Variants in DTNA observed in about 807,000 individuals in gnomAD.
DTNA encodes dystrobrevin alpha.
Under a neutral mutation model 100.7 loss-of-function variants are expected in DTNA, and 43 were observed. The observed-to-expected ratio is 0.43, with a 90% CI of 0.33 to 0.55. The LOEUF (loss-of-function observed/expected upper bound fraction) is 0.55. Among genes scored for constraint, DTNA ranks in the 20% least tolerant of loss-of-function variants. DTNA has a pLI of 0.04. For missense variants in DTNA, 798 were observed against 953.9 expected (o/e 0.84, Z 2.15); for synonymous variants, 349 against 347.9 (o/e 1.00, Z -0.04).
chr18:34,670,688 T>C (rs535333095), intron 1 of DTNA, among the ~76,000 whole-genome samples: 5 of 152,210 alleles, frequency 3.3e-5, no homozygotes, highest in Non-Finnish European at 7.3e-5. Context: ...GGAGGTCCAC[T>C]CCAGACCCTT....
At chr18:34,555,000 G>T (rs2146043640) in intron 1 of DTNA, among the ~76,000 whole-genome samples, 1 of 127,686 alleles carries the variant, frequency 7.8e-6, no homozygotes, top group South Asian at 2.7e-4. Context: ...GAATCCATCT[G>T]GTCCTGGACT....
chr18:34,537,430 ATAAT>A (rs1421527141), intron 1 of DTNA, among the ~76,000 whole-genome samples: 2 of 152,012 alleles, frequency 1.3e-5, no homozygotes, highest in African/African-American at 2.4e-5. Context: ...AAAAAGGAAA[ATAAT>A]TAAGGAAATT....
chr18:34,567,645 T>G (rs2047198910), intron 1 of DTNA, among the ~76,000 whole-genome samples: 1 of 152,124 alleles, frequency 6.6e-6, no homozygotes, highest in Non-Finnish European at 1.5e-5. Flanking sequence ...GTCAACAGCT[T>G]TTGTCTTAGG....
chr18:34,791,400 C>T (rs376390387), intron 3 of DTNA, among the ~76,000 whole-genome samples: 45 of 152,146 alleles, frequency 3.0e-4, no homozygotes, highest in African/African-American at 1.1e-3. Flanking sequence ...GCACTGCTTT[C>T]TTTGCATCCT....
chr18:34,620,652 C>T (rs915528714), intron 1 of DTNA, among the ~76,000 whole-genome samples: 1 of 152,102 alleles, frequency 6.6e-6, no homozygotes, highest in African/African-American at 2.4e-5. Context: ...AGGAAGCAGG[C>T]ACATCTCACA....
At chr18:34,600,193 AAAGTT>A (rs1482732553) in intron 1 of DTNA, among the ~76,000 whole-genome samples, 5 of 152,210 alleles carry the variant, frequency 3.3e-5, no homozygotes, top group Non-Finnish European at 5.9e-5. Flanking sequence ...ATTCTGAAAA[AAAGTT>A]AAGTCAAATG....
At chr18:34,708,588 G>A (rs1249198117), upstream of DTNA, among the ~76,000 whole-genome samples, 11 of 152,158 alleles carry the variant, frequency 7.2e-5, no homozygotes, top group Non-Finnish European at 1.2e-4. Flanking sequence ...TGGTTTGTAG[G>A]TTGGAGCAAG....
At chr18:34,815,807 T>G in intron 6 of DTNA, 102 bp from the exon 7 acceptor site, 1 of 1,002,880 alleles carries the variant, frequency 1.0e-6, no homozygotes, top group Non-Finnish European at 1.6e-6. Flanking sequence ...TAGACATTTA[T>G]TGAGTGCTCT....
chr18:34,667,602 A>G (rs2076123515), intron 1 of DTNA, among the ~76,000 whole-genome samples: 2 of 152,190 alleles, frequency 1.3e-5, no homozygotes, highest in Admixed American at 1.3e-4. Flanking sequence ...TGTCCCATCA[A>G]TACCTAATTT....
chr18:34,557,476 G>GT (rs1251846777), intron 1 of DTNA, among the ~76,000 whole-genome samples: 2 of 152,030 alleles, frequency 1.3e-5, no homozygotes, highest in East Asian at 3.9e-4. Context: ...TTTCTGTTCT[G>GT]TTTTTTCCCC....
chr18:34,626,251 T>C (rs1299227170), intron 1 of DTNA, among the ~76,000 whole-genome samples: 5 of 152,146 alleles, frequency 3.3e-5, no homozygotes, highest in African/African-American at 9.7e-5. Flanking sequence ...TAAAATCTTA[T>C]AAGTAAGACT....
intron 1 of DTNA, among the ~76,000 whole-genome samples, chr18:34,587,626 C>T (rs2049274705): frequency 6.6e-6 from 1 of 152,044 alleles, no homozygotes; most frequent in Non-Finnish European, 1.5e-5. Context: ...TATTATTATT[C>T]TCATTGTAGG....
chr18:34,651,015 A>G, intron 1 of DTNA, among the ~76,000 whole-genome samples: 1 of 152,190 alleles, frequency 6.6e-6, no homozygotes, highest in Non-Finnish European at 1.5e-5. Context: ...TTTCTAGTGG[A>G]TAAGCTCATT....
At chr18:34,752,996 T>G (rs1431210510) in intron 1 of DTNA, among the ~76,000 whole-genome samples, 1 of 152,228 alleles carries the variant, frequency 6.6e-6, no homozygotes, top group Non-Finnish European at 1.5e-5. Context: ...TAAGTCAGAT[T>G]TGGGAAATAT....
At chr18:34,848,922 G>A (rs2096430342) in intron 14 of DTNA, among the ~76,000 whole-genome samples, 1 of 152,200 alleles carries the variant, frequency 6.6e-6, no homozygotes, top group Non-Finnish European at 1.5e-5. Context: ...AGTGGCAGGG[G>A]AGCAAGTGAG....
At position 34,587,216 on chromosome 18, in the gene DTNA, C is replaced by T. The variant is rs1377579838; in HGVS notation, c.-2+93702C>T. 2.6e-5 allele frequency among the ~76,000 whole-genome samples: 4 copies of T among 151,066 alleles called. No homozygotes were observed. The East Asian group carries it at 7.8e-4, about 29-fold the overall frequency. ...GCTAAAAATCTTTATTTCTTTTATA[C>T]TGGAGATAACCCATATGTTTTGCAA... On this transcript the variant is annotated intron_variant, in intron 1 of 19. Transcript: ENST00000283365.
In DTNA at chr18:34,884,658, A is replaced by C. The variant is rs577654884; in HGVS notation, c.2296-70A>C. 6.4e-6 allele frequency: 10 copies of C among 1,559,080 alleles called. No individual in the cohort carries two copies. The South Asian group carries it at 8.9e-5, about 14-fold the overall frequency. On this transcript the variant is annotated intron_variant, in intron 21 of 22. Transcript: ENST00000444659. ...TTTGTGCATGGCTTCCCGCCAAATA[A>C]TTCACCAGCTTGACTGCATCACAGA... is the stretch of plus-strand genomic sequence containing the variant.
intron 1 of DTNA, among the ~76,000 whole-genome samples, chr18:34,494,632 A>C (rs2038976363): frequency 6.6e-6 from 1 of 152,038 alleles, no homozygotes; most frequent in East Asian, 1.9e-4. Context: ...TGGCTTTGGA[A>C]AGATAACTGT....
At chr18:34,566,894 A>G (rs34145643) in intron 1 of DTNA, among the ~76,000 whole-genome samples, 2 of 152,218 alleles carry the variant, frequency 1.3e-5, no homozygotes, top group Non-Finnish European at 2.9e-5. Flanking sequence ...CTTTGAAGCC[A>G]TCATCACCTT....
Sources: allele counts gnomAD v4.1 joint callset (sites outside exome capture counted in the v4.1 genomes callset), GRCh38; gene constraint gnomAD v4.1.1; transcripts MANE v1.5; gene names NCBI Gene and HGNC (gene_info 2026-07-23, HGNC 2026-07-21).